CRYBG3: variants seen among roughly 807,000 people sequenced by gnomAD.
CRYBG3 encodes very large A-kinase anchor protein.
A neutral mutation model predicts 244.2 loss-of-function variants in CRYBG3; 127 were observed. The ratio of observed to expected loss-of-function variants is 0.52; its 90% confidence interval spans 0.45 to 0.60. CRYBG3 has a LOEUF of 0.60. Among genes scored for constraint, CRYBG3 ranks in the 20% least tolerant of loss-of-function variants. The pLI, the probability that CRYBG3 is intolerant of heterozygous loss-of-function variation, is 0.00. For synonymous variants in CRYBG3, 1,132 were observed against 1,195.8 expected, an observed-to-expected ratio of 0.95 and a Z score of 1.10; for missense variants, 3,325 against 3,442.5, an observed-to-expected ratio of 0.97 and a Z score of 0.85.
intron 2 of CRYBG3, among the ~76,000 whole-genome samples, chr3:97,860,168 T>C (rs539057448): frequency 6.6e-6 from 1 of 152,336 alleles, no homozygotes; most frequent in East Asian, 1.9e-4. Flanking sequence ...TGAACTGTTA[T>C]GACTGTTTCT....
intron 2 of CRYBG3, among the ~76,000 whole-genome samples, chr3:97,846,298 C>T (rs1162207957): frequency 6.6e-6 from 1 of 152,128 alleles, no homozygotes; most frequent in South Asian, 2.1e-4. Context: ...TCACTGATTT[C>T]TTTTGGCTAA....
At position 97,857,314 on chromosome 3, in the gene CRYBG3, T is replaced by C. The variant is rs557933361; in HGVS notation, c.217-6903T>C. Among the ~76,000 whole-genome samples the C allele has an allele frequency of 5.9e-5, 9 of 152,256 alleles. 1 individual carries two copies. The highest frequency in any genetic ancestry group is 2.2e-4 in the African/African-American group (9 of 41,578). ...AAATATGATGTGTTCTGAAGAATAT[T>C]CCATTTGCTGATGAGAAAAATGTGT... On this transcript the variant is annotated intron_variant, in intron 2 of 21. Coordinates refer to ENST00000389622, the MANE Select transcript of CRYBG3 (RefSeq NM_153605.4).
chr3:97,840,137 G>A (rs2038791499), intron 1 of CRYBG3, among the ~76,000 whole-genome samples: 1 of 152,000 alleles, frequency 6.6e-6, no homozygotes, highest in Non-Finnish European at 1.5e-5. Context: ...GGGTGGGGAA[G>A]GATGTTGCAA....
chr3:97,882,940 A>G (rs977931950), intron 7 of CRYBG3, among the ~76,000 whole-genome samples: 3 of 152,198 alleles, frequency 2.0e-5, no homozygotes, highest in Admixed American at 1.3e-4. Flanking sequence ...TAGAAATACA[A>G]GTGAGATATG....
At chr3:97,919,538 A>G (rs915709191) in intron 17 of CRYBG3, among the ~76,000 whole-genome samples, 1 of 152,062 alleles carries the variant, frequency 6.6e-6, no homozygotes, top group South Asian at 2.1e-4. Flanking sequence ...TAAGTTTTTC[A>G]GTAGCCTTGG....
intron 10 of CRYBG3, among the ~76,000 whole-genome samples, chr3:97,890,878 A>G (rs2039568422): frequency 1.3e-5 from 2 of 152,192 alleles, no homozygotes; most frequent in African/African-American, 2.4e-5. Flanking sequence ...AAGTGAAAAA[A>G]CAGCAAAATA....
At position 97,936,355 on chromosome 3, in the gene CRYBG3, G is replaced by A. The variant is rs191234016; in HGVS notation, c.8382-430G>A. On this transcript the variant is annotated intron_variant, in intron 18 of 21. Coordinates refer to ENST00000389622, the MANE Select transcript of CRYBG3 (RefSeq NM_153605.4). ...TGGCTTTGGGGAAGCTGTGGAGGGAGGAGTGGAAGAAGATATGTCTGGAGA... is the reference window on the plus strand; with the variant it reads ...TGGCTTTGGGGAAGCTGTGGAGGGAAGAGTGGAAGAAGATATGTCTGGAGA... Among the ~76,000 whole-genome samples the A allele has an allele frequency of 2.6e-4, 39 of 152,078 alleles. No homozygotes were observed. In the East Asian group the frequency reaches 7.2e-3, roughly 28 times the overall value.
rs1253822047 is a variant in CRYBG3, at chr3:97,877,559, C to T, written c.6365C>T (p.Ser2122Phe). 6.2e-7 allele frequency: 1 copy of T among 1,614,006 alleles called. No individual in the cohort carries two copies. The highest frequency in any genetic ancestry group is 1.7e-5 in the Admixed American group (1 of 59,998). ...AGAGACAGTGAAAACCAGTCCTCTTCTGTTTTATCCCTTCTCCAGTCAGTG... is the reference window on the plus strand; with the variant it reads ...AGAGACAGTGAAAACCAGTCCTCTTTTGTTTTATCCCTTCTCCAGTCAGTG... ...KSRDSENQSS[S>F]VLSLLQSVSE... Residue 2122 changes from serine (S) to phenylalanine (F), a missense_variant, in exon 4 of 22, where the codon TCT (serine) becomes TTT (phenylalanine). Physicochemically the swap from Ser to Phe is radical, Grantham distance 155. This residue lies in a region of CRYBG3 where 450 missense variants were observed against 424.1 expected (regional missense o/e 1.06). Coordinates refer to ENST00000389622, the MANE Select transcript of CRYBG3 (RefSeq NM_153605.4).
In CRYBG3 at chr3:97,943,228, G is replaced by C. The variant is rs200227709; in HGVS notation, c.8827G>C (p.Gly2943Arg). 1,392 of 1,542,628 alleles carry C rather than the reference G, an allele frequency of 9.0e-4. 12 individuals carry two copies. Among genetic ancestry groups the C allele is most frequent in the South Asian group, 4.1e-3 (350 of 85,944 alleles). The part of the protein sequence containing the change: ...SDQLVLDVKG[G>R]NYCDKTHVIV... The stretch of plus-strand genomic sequence containing the variant: ...TTCTTTTGGAATTTCTATTTTAGGA[G>C]GAAATTATTGTGACAAGACTCATGT... The change falls in exon 22 of 22, where the codon GGA becomes CGA. Residue 2943 changes from glycine (G) to arginine (R), a missense_variant and splice_region_variant. Coordinates refer to ENST00000389622, the MANE Select transcript of CRYBG3 (RefSeq NM_153605.4).
chr3:97,942,627 C>T, intron 21 of CRYBG3, 184 bp downstream of exon 21: 2 of 553,290 alleles, frequency 3.6e-6, no homozygotes, highest in Non-Finnish European at 3.1e-6. Context: ...AGCCAAACAA[C>T]AAAGCTTAGG....
At position 97,933,804 on chromosome 3, in the gene CRYBG3, C is replaced by CA; in HGVS notation, c.8353dup (p.Thr2785AsnfsTer15). 6.2e-7 allele frequency: 1 copy of CA among 1,612,576 alleles called. No homozygotes were observed. The highest frequency in any genetic ancestry group is 8.5e-7 in the Non-Finnish European group (1 of 1,178,968). On this transcript the variant is annotated frameshift_variant, in exon 18 of 22. Coordinates refer to ENST00000389622, the MANE Select transcript of CRYBG3 (RefSeq NM_153605.4). LOFTEE classifies it high-confidence loss of function. ...TTCTGAACAAGGACCTACACTTCTA[C>CA]ACCCAGTCTGTGTGGGTAAAAAGTG... is the stretch of plus-strand genomic sequence containing the variant.
intron 2 of CRYBG3, among the ~76,000 whole-genome samples, chr3:97,844,723 G>T (rs1422970831): frequency 1.3e-5 from 2 of 152,244 alleles, no homozygotes; most frequent in Middle Eastern, 3.4e-3. Context: ...ACCTGCAGAG[G>T]CTCTGAAAGT....
In CRYBG3 at chr3:97,895,993, C is replaced by T. The variant is rs1479993807; in HGVS notation, c.7609C>T (p.Gln2537Ter). 6.2e-7 allele frequency: 1 copy of T among 1,613,228 alleles called. No homozygotes were observed. The highest frequency in any genetic ancestry group is 8.5e-7 in the Non-Finnish European group (1 of 1,179,620). The part of the protein sequence containing the change: ...VAYEKEHFKG[Q>*]QFLLEEGDFE... The stretch of plus-strand genomic sequence containing the variant: ...CTATGAAAAAGAACATTTTAAAGGC[C>T]AGCAGTTTCTGCTTGAAGAAGGAGA... Residue 2537 changes from glutamine to a stop codon, truncating the protein, a stop_gained, in exon 12 of 22, where the codon CAG becomes TAG. Transcript: ENST00000389622. LOFTEE classifies it high-confidence loss of function.
chr3:97,848,363 G>A lies in CRYBG3; in HGVS notation c.216+5102G>A, dbSNP rs62264208. Among the ~76,000 whole-genome samples, 400 of 152,178 alleles carry A rather than the reference G, an allele frequency of 2.6e-3. 3 individuals are homozygous for A. The Middle Eastern group carries it at 0.034, about 13-fold the overall frequency. Reference sequence around the variant, plus strand: ...CCCAGGCTGGAGTGAGTGCAGTGGCGCGATCTCGGCTCACTGAAACCTTCA... The same window carrying A: ...CCCAGGCTGGAGTGAGTGCAGTGGCACGATCTCGGCTCACTGAAACCTTCA... On this transcript the variant is annotated intron_variant, in intron 2 of 21. Transcript: ENST00000389622.
At chr3:97,887,228 G>A (rs944585090) in intron 8 of CRYBG3, among the ~76,000 whole-genome samples, 5 of 152,142 alleles carry the variant, frequency 3.3e-5, no homozygotes, top group African/African-American at 9.7e-5. Context: ...GGTAAGCATG[G>A]ATTTGATACT....
chr3:97,857,994 GT>G (rs1166692965), intron 2 of CRYBG3, among the ~76,000 whole-genome samples: 1 of 151,758 alleles, frequency 6.6e-6, no homozygotes, highest in Non-Finnish European at 1.5e-5. Context: ...TTATACTTTT[GT>G]AGTTTTATGA....
intron 15 of CRYBG3, among the ~76,000 whole-genome samples, chr3:97,904,788 G>A (rs1369447120): frequency 1.4e-5 from 2 of 145,930 alleles, no homozygotes; most frequent in Admixed American, 7.0e-5. Flanking sequence ...TGCACCTTGT[G>A]CAGGTTAGTT....
chr3:97,907,152 A>T (rs1356054644), intron 15 of CRYBG3, among the ~76,000 whole-genome samples: 3 of 152,082 alleles, frequency 2.0e-5, no homozygotes, highest in African/African-American at 7.2e-5. Context: ...GTTTGCCAGT[A>T]TTTTATTGAG....
intron 3 of CRYBG3, among the ~76,000 whole-genome samples, chr3:97,868,622 C>T (rs1275641923): frequency 6.6e-6 from 1 of 152,148 alleles, no homozygotes; most frequent in Non-Finnish European, 1.5e-5. Flanking sequence ...ACTTAACCAA[C>T]TTCTTGAAAG....
Sources: gnomAD v4.1 joint callset for allele counts (sites outside exome capture counted in the v4.1 genomes callset) on GRCh38, gnomAD v4.1.1 for gene constraint, gnomAD v4.1.1 regional missense constraint, MANE v1.5 for transcripts, NCBI Gene and HGNC (gene_info 2026-07-23, HGNC 2026-07-21) for gene names.